GLS: variants seen among roughly 807,000 people sequenced by gnomAD.
GLS encodes the protein glutaminase.
In GLS, 36 loss-of-function variants were observed where a neutral mutation model predicts 86.7. That is an observed-to-expected ratio of 0.42 (90% CI 0.32 to 0.55). GLS has a LOEUF of 0.55. Among genes scored for constraint, GLS ranks in the 20% least tolerant of loss-of-function variants. GLS has a pLI of 0.17. For synonymous variants in GLS, 317 were observed against 305.9 expected, an observed-to-expected ratio of 1.04 and a Z score of -0.38; for missense variants, 528 against 833.4, an observed-to-expected ratio of 0.63 and a Z score of 4.51.
chr2:190,899,237 C>T (rs1688857711), intron 3 of GLS, among the ~76,000 whole-genome samples: 1 of 151,986 alleles, frequency 6.6e-6, no homozygotes, highest in African/African-American at 2.4e-5. Context: ...TTGAAACTAT[C>T]TGAAAATGAT....
At chr2:190,886,835 G>A (rs1021993373) in intron 1 of GLS, among the ~76,000 whole-genome samples, 3 of 150,956 alleles carry the variant, frequency 2.0e-5, no homozygotes, top group African/African-American at 4.9e-5. Context: ...AGAATCGCTT[G>A]AACCCAGGAG....
chr2:190,919,961 C>T (rs1205034628), intron 7 of GLS: 2 of 151,990 alleles, frequency 1.3e-5, no homozygotes, highest in Non-Finnish European at 2.9e-5. Flanking sequence ...TAGGTTTTCA[C>T]ATATTGTCAG....
intron 14 of GLS, chr2:190,933,248 T>C: frequency 1.1e-6 from 1 of 897,420 alleles, no homozygotes. Context: ...CATTTTGTTT[T>C]TTCTTTTCCA....
intron 12 of GLS, 156 bp downstream of exon 12, chr2:190,927,638 T>C: frequency 3.4e-6 from 2 of 579,846 alleles, no homozygotes; most frequent in Non-Finnish European, 6.0e-6. Flanking sequence ...TAGTAAGGAA[T>C]AGAGATAAGG....
intron 1 of GLS, among the ~76,000 whole-genome samples, chr2:190,891,391 C>G (rs559214879): frequency 1.7e-4 from 26 of 151,730 alleles, no homozygotes; most frequent in African/African-American, 6.0e-4. Context: ...GGGCAAAGTC[C>G]TGTGAAACAA....
chr2:190,923,977 AAAG>A lies in GLS; in HGVS notation c.1195_1197del (p.Lys399del), dbSNP rs1179698897. 1.4e-6 allele frequency: 2 copies of A among 1,438,444 alleles called. No homozygotes were observed. The highest frequency in any genetic ancestry group is 1.9e-6 in the Non-Finnish European group (2 of 1,034,748). 89.1% of individuals were successfully genotyped at this position (1,438,444 alleles called of 1,614,324 possible). ...TTGCAATAGGATATTACTTAAAAGA[AAAG>A]AAGGTTTTTAAATTTTTGTTTCTAT... On this transcript the variant is annotated inframe_deletion, in exon 10 of 18. Transcript: ENST00000320717.
At chr2:190,932,248 A>G (rs1690132759) in intron 14 of GLS, among the ~76,000 whole-genome samples, 1 of 151,896 alleles carries the variant, frequency 6.6e-6, no homozygotes, top group South Asian at 2.1e-4. Flanking sequence ...TTGTACACAT[A>G]TATTCCTTTT....
rs1028140594 is a variant in GLS, at chr2:190,935,715, C to T, written c.1650+4078C>T. 4.0e-5 allele frequency among the ~76,000 whole-genome samples: 6 copies of T among 151,162 alleles called. No individual in the cohort carries two copies. The highest frequency in any genetic ancestry group is 4.0e-4 in the Admixed American group (6 of 15,180). Reference sequence around the variant, plus strand: ...GTTGTTGCCTAAATAATAGGAAAAACATTGCTAAACCAAATGAAGAGTATC... The same window carrying T: ...GTTGTTGCCTAAATAATAGGAAAAATATTGCTAAACCAAATGAAGAGTATC... On this transcript the variant is annotated intron_variant, in intron 14 of 17. Coordinates refer to ENST00000320717, the MANE Select transcript of GLS (RefSeq NM_014905.5). This position sits in a 1 kb window ranked among gnomAD's most constrained non-coding sequence, Gnocchi z 4.2.
At chr2:190,950,761 C>T (rs1290155672) in intron 14 of GLS, among the ~76,000 whole-genome samples, 1 of 152,234 alleles carries the variant, frequency 6.6e-6, no homozygotes, top group African/African-American at 2.4e-5. Flanking sequence ...CACTGGATGA[C>T]TCCTGAGTTT....
rs1688694920 is a variant in GLS at position 190,895,327 on chromosome 2, T to G, written c.483+79T>G. On this transcript the variant is annotated intron_variant, in intron 2 of 17. Coordinates refer to ENST00000320717, the MANE Select transcript of GLS (RefSeq NM_014905.5). The surrounding 1 kb of genome is among the most constrained non-coding windows in gnomAD (Gnocchi z 4.2). ...TATACAGTATTATTGAAATATAGTC[T>G]TAAAGGTCGTCTGACATGTAGATTC... 4.7e-5 allele frequency: 29 copies of G among 618,928 alleles called. No homozygotes were observed. The highest frequency in any genetic ancestry group is 5.7e-6 in the Non-Finnish European group (2 of 352,454). 38.3% of individuals were successfully genotyped at this position (618,928 alleles called of 1,614,324 possible).
In GLS at chr2:190,962,783, T is replaced by A; in HGVS notation, c.1854-47T>A. 7.9e-7 allele frequency: 1 copy of A among 1,260,860 alleles called. No individual in the cohort carries two copies. Among genetic ancestry groups the A allele is most frequent in the East Asian group, 2.7e-5 (1 of 36,642 alleles). The allele number at this position is 1,260,860 out of a possible 1,614,324, so 78.1% of individuals were successfully genotyped here. On this transcript the variant is annotated intron_variant, in intron 17 of 17. Transcript: ENST00000320717. The surrounding 1 kb of genome is among the most constrained non-coding windows in gnomAD (Gnocchi z 4.2). Reference sequence around the variant, plus strand: ...TAGGAATGTGGGGTGATCATCTTTGTACATAAATTACCTAATGACCCTGTC... The same window carrying A: ...TAGGAATGTGGGGTGATCATCTTTGAACATAAATTACCTAATGACCCTGTC...
intron 12 of GLS, among the ~76,000 whole-genome samples, chr2:190,928,649 A>G (rs535490544): frequency 4.7e-5 from 7 of 150,148 alleles, no homozygotes; most frequent in East Asian, 2.0e-4. Context: ...ATATTATTTT[A>G]TAGTTTGTTT....
In GLS at chr2:190,895,547, T is replaced by A; in HGVS notation, c.484-57T>A. 8.2e-7 allele frequency: 1 copy of A among 1,218,876 alleles called. No individual in the cohort carries two copies. The highest frequency in any genetic ancestry group is 1.2e-6 in the Non-Finnish European group (1 of 851,706). 75.5% of individuals were successfully genotyped at this position (1,218,876 alleles called of 1,614,324 possible). On this transcript the variant is annotated intron_variant, in intron 2 of 17. Coordinates refer to ENST00000320717, the MANE Select transcript of GLS (RefSeq NM_014905.5). The surrounding 1 kb of genome is among the most constrained non-coding windows in gnomAD (Gnocchi z 4.2). ...CAGGAATAAAATCTTATAGTTGGTATAAGCATATACATTATTTGCACTATA... is the reference window on the plus strand; with the variant it reads ...CAGGAATAAAATCTTATAGTTGGTAAAAGCATATACATTATTTGCACTATA...
At chr2:190,959,183 C>T (rs1421923192) in intron 17 of GLS, among the ~76,000 whole-genome samples, 1 of 150,386 alleles carries the variant, frequency 6.6e-6, no homozygotes, top group Non-Finnish European at 1.5e-5. Flanking sequence ...ATGCCCTTTT[C>T]TCTTTTGATC....
At chr2:190,899,907 T>A (rs1057133395) in intron 3 of GLS, among the ~76,000 whole-genome samples, 1 of 152,118 alleles carries the variant, frequency 6.6e-6, no homozygotes, top group Non-Finnish European at 1.5e-5. Flanking sequence ...TATTTACATA[T>A]CTTACATTAA....
rs1206294821 is a variant in GLS at position 190,954,450 on chromosome 2, C to T, written c.1713-134C>T. The T allele has an allele frequency of 3.1e-6, 2 of 636,242 alleles. No individual in the cohort carries two copies. The highest frequency in any genetic ancestry group is 2.9e-5 in the Admixed American group (1 of 34,594). The allele number at this position is 636,242 out of a possible 1,614,324, so 39.4% of individuals were successfully genotyped here. A position where few individuals can be genotyped will look rare whatever the true frequency, so the allele number is the denominator to read the frequency against. ...ACACCTGTGTACTGGTTAATAAGGTCGGTAGTTCCCATTAATGAGCTTGAT... is the reference window on the plus strand; with the variant it reads ...ACACCTGTGTACTGGTTAATAAGGTTGGTAGTTCCCATTAATGAGCTTGAT... On this transcript the variant is annotated intron_variant, in intron 15 of 17. Coordinates refer to ENST00000320717, the MANE Select transcript of GLS (RefSeq NM_014905.5). The surrounding 1 kb of genome is among the most constrained non-coding windows in gnomAD (Gnocchi z 4.0).
At chr2:190,882,942 G>A (rs1688253647) in intron 1 of GLS, among the ~76,000 whole-genome samples, 1 of 152,226 alleles carries the variant, frequency 6.6e-6, no homozygotes, top group African/African-American at 2.4e-5. Flanking sequence ...TACCAAGGAA[G>A]TAACGAGTTT....
rs928220181 is a variant in GLS at position 190,921,869 on chromosome 2, A to G, written c.1130+666A>G. On this transcript the variant is annotated intron_variant, in intron 9 of 17. Coordinates refer to ENST00000320717, the MANE Select transcript of GLS (RefSeq NM_014905.5). This position sits in a 1 kb window ranked among gnomAD's most constrained non-coding sequence, Gnocchi z 4.2. ...GTAAATGTCCCCATCTCTTCCCCAA[A>G]TGTCTTTTACAACTTTTATTATTAT... Among the ~76,000 whole-genome samples, 2 of 152,066 alleles carry G rather than the reference A, an allele frequency of 1.3e-5. No individual in the cohort carries two copies. The highest frequency in any genetic ancestry group is 4.8e-5 in the African/African-American group (2 of 41,434).
intron 1 of GLS, among the ~76,000 whole-genome samples, chr2:190,886,819 G>C (rs1688396536): frequency 6.6e-6 from 1 of 151,626 alleles, no homozygotes; most frequent in South Asian, 2.1e-4. Context: ...GGGAGGCTGA[G>C]GCAGGAGAAT....
Sources: allele counts gnomAD v4.1 joint callset (sites outside exome capture counted in the v4.1 genomes callset), GRCh38; gene constraint gnomAD v4.1.1; non-coding constraint Gnocchi (gnomAD v3.1); transcripts MANE v1.5; gene names NCBI Gene and HGNC (gene_info 2026-07-23, HGNC 2026-07-21).